The following TBC1D32 variants were observed in gnomAD, a reference collection of about 807,000 sequenced individuals.
TBC1D32 encodes the protein protein broad-minded.
A neutral mutation model predicts 170.3 loss-of-function variants in TBC1D32; 151 were observed. The ratio of observed to expected loss-of-function variants is 0.89; its 90% CI spans 0.78 to 1.01. The LOEUF is 1.01. Among genes scored for constraint, TBC1D32 ranks in the 50% least tolerant of loss-of-function variants. The pLI is 0.00. For missense variants in TBC1D32, 1,464 were observed against 1,457.1 expected (o/e 1.00, Z -0.08); for synonymous variants, 498 against 488.0 (o/e 1.02, Z -0.27).
At chr6:121,237,153 T>G (rs1470503791) in intron 20 of TBC1D32, 1 of 152,088 alleles carries the variant, frequency 6.6e-6, no homozygotes, top group Non-Finnish European at 1.5e-5. Flanking sequence ...TTTAACTATA[T>G]GTAGAATTCT....
intron 22 of TBC1D32, among the ~76,000 whole-genome samples, chr6:121,176,260 AAAG>A (rs1787749126): frequency 6.6e-6 from 1 of 152,144 alleles, no homozygotes; most frequent in Admixed American, 6.5e-5. Flanking sequence ...GAAAGACCTA[AAAG>A]TAGTGAGGAA....
At chr6:121,286,978 G>A (rs1267517635) in intron 12 of TBC1D32, among the ~76,000 whole-genome samples, 3 of 152,110 alleles carry the variant, frequency 2.0e-5, no homozygotes, top group Non-Finnish European at 2.9e-5. Flanking sequence ...CACCAGGCCT[G>A]CCCTAAAAGA....
At chr6:121,251,645 G>A (rs1369816635) in intron 17 of TBC1D32, among the ~76,000 whole-genome samples, 1 of 152,072 alleles carries the variant, frequency 6.6e-6, no homozygotes, top group Non-Finnish European at 1.5e-5. Flanking sequence ...ATAGGCATGG[G>A]CAAAAACTTC....
At chr6:121,091,275 C>T (rs1197434211) in intron 30 of TBC1D32, among the ~76,000 whole-genome samples, 1 of 152,164 alleles carries the variant, frequency 6.6e-6, no homozygotes, top group African/African-American at 2.4e-5. Context: ...ATAGTGGTCA[C>T]ACTCCTCATA....
At chr6:121,288,955 C>G (rs180827337) in intron 12 of TBC1D32, among the ~76,000 whole-genome samples, 1,886 of 152,166 alleles carry the variant, frequency 0.012, 36 homozygotes, top group African/African-American at 0.043. Context: ...ATTCAACAGC[C>G]CTTCATGCTA....
Position 121,310,355 on chromosome 6 carries a change from C to T in TBC1D32, c.564+424G>A, listed in dbSNP as rs557320949. ...ATATTTCAAAACATGTTGTACAAGA[C>T]GAATATACACGATTTTTATTTGATC... is the stretch of plus-strand genomic sequence containing the variant. On this transcript the variant is annotated intron_variant, in intron 4 of 31. Coordinates refer to ENST00000398212, the MANE Select transcript of TBC1D32 (RefSeq NM_152730.6). Among the ~76,000 whole-genome samples, 58 of 151,932 alleles carry T rather than the reference C, an allele frequency of 3.8e-4. No individual in the cohort carries two copies. In the South Asian group the frequency reaches 9.6e-3, roughly 25 times the overall value.
rs1792055849 is a variant in TBC1D32, at chr6:121,205,029, T to G, written c.2570+46A>C. On this transcript the variant is annotated intron_variant, in intron 22 of 31. Transcript: ENST00000398212. ...GTATACAGGACAAATGCTTATTTTTTGTGGAACATAAAATATAATATCAAA... is the reference window on the plus strand; with the variant it reads ...GTATACAGGACAAATGCTTATTTTTGGTGGAACATAAAATATAATATCAAA... 7.9e-6 allele frequency: 9 copies of G among 1,139,980 alleles called. No homozygotes were observed. The African/African-American group carries it at 8.1e-5, about 10-fold the overall frequency. The allele number at this position is 1,139,980 out of a possible 1,614,324, so 70.6% of individuals were successfully genotyped here.
intron 15 of TBC1D32, among the ~76,000 whole-genome samples, chr6:121,270,908 C>A (rs1207512259): frequency 6.6e-6 from 1 of 152,118 alleles, no homozygotes; most frequent in Admixed American, 6.5e-5. Flanking sequence ...AAAAGCTTAT[C>A]CACCACAAAC....
At chr6:121,249,904 C>T (rs1264062685) in intron 17 of TBC1D32, among the ~76,000 whole-genome samples, 1 of 151,938 alleles carries the variant, frequency 6.6e-6, no homozygotes, top group African/African-American at 2.4e-5. Context: ...AATGACCATA[C>T]TGCCAAAAGC....
At chr6:121,290,598 C>T (rs1804678820) in intron 12 of TBC1D32, among the ~76,000 whole-genome samples, 1 of 152,160 alleles carries the variant, frequency 6.6e-6, no homozygotes, top group African/African-American at 2.4e-5. Flanking sequence ...GTGGCGATTC[C>T]TCAGGGATCG....
At chr6:121,127,980 A>T (rs1002158487) in intron 25 of TBC1D32, among the ~76,000 whole-genome samples, 1 of 152,184 alleles carries the variant, frequency 6.6e-6, no homozygotes, top group South Asian at 2.1e-4. Flanking sequence ...CAGAAAATTC[A>T]TTACATCTGT....
At chr6:121,128,413 G>A (rs116990817) in intron 25 of TBC1D32, among the ~76,000 whole-genome samples, 9,839 of 152,146 alleles carry the variant, frequency 0.065, 619 homozygotes, top group Admixed American at 0.21. Flanking sequence ...ATCTCAGTAT[G>A]ACCAACAGCC....
rs183592844 is a variant in TBC1D32 at position 121,215,116 on chromosome 6, C to T, written c.2481+8120G>A. 2.6e-5 allele frequency among the ~76,000 whole-genome samples: 4 copies of T among 152,370 alleles called. No individual in the cohort carries two copies. In the East Asian group the frequency reaches 7.7e-4, roughly 29 times the overall value. ...AGGGTGTCCCAACATCTGCCCAAGT[C>T]TGGCTGAGTCTGGGGCTTTTATGGG... On this transcript the variant is annotated intron_variant, in intron 21 of 31. Coordinates refer to ENST00000398212, the MANE Select transcript of TBC1D32 (RefSeq NM_152730.6).
At chr6:121,299,852 T>A (rs912668087) in intron 9 of TBC1D32, among the ~76,000 whole-genome samples, 2 of 151,990 alleles carry the variant, frequency 1.3e-5, no homozygotes, top group African/African-American at 4.8e-5. Flanking sequence ...GGAAAAAAAA[T>A]TAAAAAGCAC....
At chr6:121,141,428 T>C (rs1420195723) in intron 24 of TBC1D32, among the ~76,000 whole-genome samples, 1 of 152,144 alleles carries the variant, frequency 6.6e-6, no homozygotes, top group Admixed American at 6.6e-5. Flanking sequence ...ATGTCTAGAA[T>C]ACATAAAGTG....
chr6:121,300,926 G>T (rs1196823991), intron 9 of TBC1D32, among the ~76,000 whole-genome samples: 1 of 152,054 alleles, frequency 6.6e-6, no homozygotes, highest in Non-Finnish European at 1.5e-5. Context: ...GCAGCCAAAA[G>T]ACACATGAAA....
chr6:121,324,929 G>A (rs559365574), intron 1 of TBC1D32, among the ~76,000 whole-genome samples: 1 of 152,310 alleles, frequency 6.6e-6, no homozygotes, highest in South Asian at 2.1e-4. Context: ...AGCTCTTTGG[G>A]CTGGGCACAG....
At chr6:121,281,811 T>C (rs906763173) in intron 13 of TBC1D32, 125 bp from the exon 14 acceptor site, 12 of 630,108 alleles carry the variant, frequency 1.9e-5, no homozygotes, top group Admixed American at 7.7e-5. Flanking sequence ...GTCATACAAC[T>C]CAATATCCAA....
Position 121,270,426 on chromosome 6 carries a change from T to G in TBC1D32, c.1733+8695A>C, listed in dbSNP as rs984013691. Among the ~76,000 whole-genome samples, 16 of 151,630 alleles carry G rather than the reference T, an allele frequency of 1.1e-4. 1 individual carries two copies. Among genetic ancestry groups the G allele is most frequent in the African/African-American group, 3.2e-4 (13 of 41,222 alleles). On this transcript the variant is annotated intron_variant, in intron 15 of 31. Coordinates refer to ENST00000398212, the MANE Select transcript of TBC1D32 (RefSeq NM_152730.6). ...AGATGTAATAAAAAATGATAAAGGG[T>G]ATATCACCACCAATCCCACAGAAAT...
Sources: allele counts gnomAD v4.1 joint callset (sites outside exome capture counted in the v4.1 genomes callset), GRCh38; gene constraint gnomAD v4.1.1; transcripts MANE v1.5; gene names NCBI Gene and HGNC (gene_info 2026-07-23, HGNC 2026-07-21).